Variants in PTPRG observed in about 807,000 individuals in gnomAD.
PTPRG encodes receptor-type tyrosine-protein phosphatase gamma.
A neutral mutation model predicts 165.3 loss-of-function variants in PTPRG; 102 were observed. The observed-to-expected ratio is 0.62, with a 90% confidence interval of 0.53 to 0.73. PTPRG has a LOEUF of 0.73. Among genes scored for constraint, PTPRG ranks in the 30% least tolerant of loss-of-function variants. PTPRG has a pLI of 0.00. For synonymous variants in PTPRG, 675 were observed against 669.5 expected (o/e 1.01, Z -0.13); for missense variants, 1,866 against 1,861.4 (o/e 1.00, Z -0.05).
At chr3:62,290,278 T>A (rs1439923737) in intron 28 of PTPRG, among the ~76,000 whole-genome samples, 5 of 152,136 alleles carry the variant, frequency 3.3e-5, no homozygotes, top group Non-Finnish European at 7.4e-5. Context: ...GAAAAGATGG[T>A]AATTTCCTCA....
intron 1 of PTPRG, among the ~76,000 whole-genome samples, chr3:61,583,028 CAG>C (rs1399697383): frequency 6.6e-6 from 1 of 152,178 alleles, no homozygotes; most frequent in Non-Finnish European, 1.5e-5. Context: ...ACAAAGTGAA[CAG>C]AGGCAATAAT....
intron 2 of PTPRG, among the ~76,000 whole-genome samples, chr3:61,958,344 A>G (rs2107637368): frequency 6.6e-6 from 1 of 152,210 alleles, no homozygotes; most frequent in East Asian, 1.9e-4. Flanking sequence ...TGGCCAGGTC[A>G]GGCTGGTCTC....
intron 1 of PTPRG, among the ~76,000 whole-genome samples, chr3:61,660,009 G>A (rs1183602016): frequency 2.0e-5 from 3 of 152,172 alleles, no homozygotes; most frequent in East Asian, 3.9e-4. Context: ...GGCGGATCAC[G>A]AGGTCAGGAG....
In PTPRG at chr3:62,269,047, C is replaced by A; in HGVS notation, c.2887C>A (p.Gln963Lys). Residue 963 changes from glutamine (Q) to lysine (K), a missense_variant, in exon 20 of 30, where the codon CAG becomes AAG. This residue lies in a region of PTPRG where 1,452 missense variants were observed against 1,463.0 expected (regional missense o/e 0.99). Coordinates refer to ENST00000474889, the MANE Select transcript of PTPRG (RefSeq NM_002841.4). ...LVEKGRRKCD[Q>K]YWPTENSEEY... Reference sequence around the variant, plus strand: ...TTTCTTTCTGCAGCGAAAATGTGATCAGTATTGGCCAACAGAGAACAGTGA... The same window carrying A: ...TTTCTTTCTGCAGCGAAAATGTGATAAGTATTGGCCAACAGAGAACAGTGA... The A allele has an allele frequency of 6.4e-7, 1 of 1,557,954 alleles. No individual in the cohort carries two copies. The highest frequency in any genetic ancestry group is 2.3e-5 in the East Asian group (1 of 43,738).
chr3:61,738,315 T>TATAC lies in PTPRG; in HGVS notation c.86-10560_86-10559insCATA, dbSNP rs2032831362. Among the ~76,000 whole-genome samples the TATAC allele has an allele frequency of 7.7e-5, 8 of 104,208 alleles. No homozygotes were observed. The East Asian group carries it at 1.6e-3, about 21-fold the overall frequency. The allele number at this position is 104,208 out of a possible 152,430, so 68.4% of individuals were successfully genotyped here. ...ATATATATATATATATATATATACA[T>TATAC]ATATATATATATATATATATATGTA... On this transcript the variant is annotated intron_variant, in intron 1 of 29. Transcript: ENST00000474889.
At chr3:61,682,718 C>G (rs943210746) in intron 1 of PTPRG, among the ~76,000 whole-genome samples, 1 of 152,078 alleles carries the variant, frequency 6.6e-6, no homozygotes, top group Non-Finnish European at 1.5e-5. Flanking sequence ...GTTTTGTTTC[C>G]AACTCCCAGT....
chr3:61,821,764 A>G (rs763096370), intron 2 of PTPRG, among the ~76,000 whole-genome samples: 11 of 152,244 alleles, frequency 7.2e-5, no homozygotes, highest in Non-Finnish European at 1.3e-4. Context: ...ACTGAATATG[A>G]TAATGATTGA....
intron 8 of PTPRG, among the ~76,000 whole-genome samples, chr3:62,170,893 A>G (rs1480766221): frequency 6.6e-6 from 1 of 152,188 alleles, no homozygotes; most frequent in East Asian, 1.9e-4. Context: ...CACCTAGATC[A>G]AGAAACTCCC....
intron 1 of PTPRG, among the ~76,000 whole-genome samples, chr3:61,614,417 C>CTTTT (rs1559524937): frequency 3.1e-5 from 1 of 32,602 alleles, no homozygotes. Context: ...TTTAATAATA[C>CTTTT]CTTTTTTTTT....
chr3:61,592,595 T>C (rs1700597860), intron 1 of PTPRG, among the ~76,000 whole-genome samples: 2 of 152,094 alleles, frequency 1.3e-5, no homozygotes, highest in Non-Finnish European at 2.9e-5. Context: ...TAGTAGTCAT[T>C]GTAGGAAACA....
At chr3:61,841,431 A>G (rs2036629858) in intron 2 of PTPRG, among the ~76,000 whole-genome samples, 1 of 152,214 alleles carries the variant, frequency 6.6e-6, no homozygotes, top group Admixed American at 6.5e-5. Flanking sequence ...AGAAAAAAAT[A>G]TCTTTGTCCT....
At chr3:62,221,848 A>G (rs369765681) in intron 13 of PTPRG, among the ~76,000 whole-genome samples, 5 of 152,222 alleles carry the variant, frequency 3.3e-5, no homozygotes, top group African/African-American at 1.2e-4. Context: ...GGTTCATGAA[A>G]TAGTGGAAAA....
chr3:62,086,719 T>C (rs1701764918), intron 5 of PTPRG, among the ~76,000 whole-genome samples: 1 of 152,190 alleles, frequency 6.6e-6, no homozygotes, highest in African/African-American at 2.4e-5. Flanking sequence ...AAAATACATA[T>C]GTTCCAATTA....
intron 8 of PTPRG, among the ~76,000 whole-genome samples, chr3:62,180,114 T>A (rs750162162): frequency 1.3e-5 from 2 of 152,192 alleles, no homozygotes; most frequent in Non-Finnish European, 2.9e-5. Context: ...ACCTTAACCA[T>A]TTGCATCATA....
In PTPRG at chr3:62,228,514, A is replaced by C. The variant is rs557230004; in HGVS notation, c.2289-2711A>C. Among the ~76,000 whole-genome samples the C allele has an allele frequency of 7.0e-6, 1 of 142,228 alleles. No individual in the cohort carries two copies. The highest frequency in any genetic ancestry group is 2.0e-4 in the East Asian group (1 of 4,998). 93.3% of individuals were successfully genotyped at this position (142,228 alleles called of 152,430 possible). A position where few individuals can be genotyped will look rare whatever the true frequency, so the allele number is the denominator to read the frequency against. ...GGGCAACAGAGCAAAACTCCATCTC[A>C]AAAAAAAAAAAGAAAGAAAGAAAAA... On this transcript the variant is annotated intron_variant, in intron 13 of 29. Coordinates refer to ENST00000474889, the MANE Select transcript of PTPRG (RefSeq NM_002841.4). The surrounding 1 kb of genome is among the most constrained non-coding windows in gnomAD (Gnocchi z 4.1).
intron 2 of PTPRG, among the ~76,000 whole-genome samples, chr3:61,950,517 G>T (rs893246888): frequency 1.3e-5 from 2 of 152,202 alleles, no homozygotes; most frequent in African/African-American, 2.4e-5. Context: ...CTTTCAGACA[G>T]AAGCCCAGAG....
rs547807566 is a variant in PTPRG at position 61,709,458 on chromosome 3, G to A, written c.86-39420G>A. Among the ~76,000 whole-genome samples, 16 of 152,186 alleles carry A rather than the reference G, an allele frequency of 1.1e-4. No individual in the cohort carries two copies. In the South Asian group the frequency reaches 3.1e-3, roughly 30 times the overall value. ...CCCTTCCGAATAGCTGGGATTACAG[G>A]CATGCACCACCACAGCTGGCTAATT... On this transcript the variant is annotated intron_variant, in intron 1 of 29. Coordinates refer to ENST00000474889, the MANE Select transcript of PTPRG (RefSeq NM_002841.4).
chr3:61,971,028 T>C (rs983454172), intron 2 of PTPRG, among the ~76,000 whole-genome samples: 2 of 152,156 alleles, frequency 1.3e-5, no homozygotes, highest in African/African-American at 2.4e-5. Context: ...GTTTGAATAT[T>C]AGTGATGGTA....
At chr3:62,141,747 A>T (rs1703937540) in intron 6 of PTPRG, among the ~76,000 whole-genome samples, 1 of 151,860 alleles carries the variant, frequency 6.6e-6, no homozygotes, top group Non-Finnish European at 1.5e-5. Context: ...TAAAAAAAAA[A>T]AAAATACAAA....
Sources: allele counts gnomAD v4.1 joint callset (sites outside exome capture counted in the v4.1 genomes callset), GRCh38; gene constraint gnomAD v4.1.1; regional missense constraint gnomAD v4.1.1; non-coding constraint Gnocchi (gnomAD v3.1); transcripts MANE v1.5; gene names NCBI Gene and HGNC (gene_info 2026-07-23, HGNC 2026-07-21).